The following ATE1 variants were observed in gnomAD, a reference collection of about 807,000 sequenced individuals.
ATE1 encodes arginyl-tRNA--protein transferase 1.
ATE1 carries 36 observed loss-of-function variants against 70.5 expected under a neutral mutation model. That is an observed-to-expected ratio of 0.51 (90% CI 0.39 to 0.67). The LOEUF (loss-of-function observed/expected upper bound fraction) is 0.67. Ranked by LOEUF, ATE1 falls within the 30% of genes least tolerant of loss-of-function variation. The pLI is 0.00. For synonymous variants in ATE1, 232 were observed against 219.3 expected (o/e 1.06, Z -0.51); for missense variants, 593 against 629.5 (o/e 0.94, Z 0.62).
intron 11 of ATE1, among the ~76,000 whole-genome samples, chr10:121,765,044 T>C (rs905784788): frequency 8.5e-5 from 13 of 152,130 alleles, no homozygotes; most frequent in Admixed American, 1.3e-4. Flanking sequence ...TCAGACTTCA[T>C]TGAAAGAGAG....
intron 11 of ATE1, among the ~76,000 whole-genome samples, chr10:121,771,881 T>C (rs1329070645): frequency 1.1e-4 from 16 of 152,242 alleles, no homozygotes; most frequent in Non-Finnish European, 2.2e-4. Context: ...AAAATGCAGT[T>C]TCACATCTCA....
At chr10:121,839,617 A>G (rs1341409155) in intron 9 of ATE1, among the ~76,000 whole-genome samples, 1 of 152,238 alleles carries the variant, frequency 6.6e-6, no homozygotes, top group Non-Finnish European at 1.5e-5. Context: ...ACCAACAGCC[A>G]TAAATATTTT....
intron 10 of ATE1, among the ~76,000 whole-genome samples, chr10:121,794,449 T>A (rs554580746): frequency 1.3e-5 from 2 of 151,612 alleles, no homozygotes; most frequent in South Asian, 2.1e-4. Context: ...TACAAAAAAA[T>A]TTTTTAATTA....
Position 121,743,563 on chromosome 10 carries a change from A to T in ATE1, c.*117T>A. The T allele has an allele frequency of 7.2e-7, 1 of 1,382,324 alleles. No individual in the cohort carries two copies. The highest frequency in any genetic ancestry group is 3.4e-5 in the Admixed American group (1 of 29,850). The allele number at this position is 1,382,324 out of a possible 1,614,324, so 85.6% of individuals were successfully genotyped here. A position where few individuals can be genotyped will look rare whatever the true frequency, so the allele number is the denominator to read the frequency against. On this transcript the variant is annotated 3_prime_UTR_variant, in exon 12 of 12. Coordinates refer to ENST00000224652, the MANE Select transcript of ATE1 (RefSeq NM_001001976.3). ...TATTTTTTAAAAGCCATAGATAGTC[A>T]AAATAAAAAATGTCTAATTTGTGGG...
intron 10 of ATE1, among the ~76,000 whole-genome samples, chr10:121,797,582 G>C (rs1946708672): frequency 2.0e-5 from 1 of 51,046 alleles, no homozygotes; most frequent in African/African-American, 5.3e-5. Flanking sequence ...TCCTATTTGA[G>C]TGGGAGTAAA....
At chr10:121,853,629 T>C (rs1949139686) in intron 8 of ATE1, among the ~76,000 whole-genome samples, 1 of 152,132 alleles carries the variant, frequency 6.6e-6, no homozygotes, top group South Asian at 2.1e-4. Flanking sequence ...GTGTAATTAT[T>C]AAATAGAACA....
chr10:121,790,298 A>C lies in ATE1; in HGVS notation c.1258-9T>G. ...GAAGGTCTATACTGACCCTGAAGAA[A>C]AGTGAAGGAAAAAGGCACAGGCATT... On this transcript the variant is annotated splice_polypyrimidine_tract_variant and intron_variant, in intron 10 of 11. Coordinates refer to ENST00000224652, the MANE Select transcript of ATE1 (RefSeq NM_001001976.3). The C allele has an allele frequency of 6.2e-7, 1 of 1,612,564 alleles. No individual in the cohort carries two copies. The highest frequency in any genetic ancestry group is 8.5e-7 in the Non-Finnish European group (1 of 1,179,432).
At chr10:121,876,883 G>A (rs1048531835) in intron 7 of ATE1, among the ~76,000 whole-genome samples, 10 of 151,542 alleles carry the variant, frequency 6.6e-5, no homozygotes, top group Non-Finnish European at 1.2e-4. Flanking sequence ...GGAGAATGGC[G>A]GGAACCCGGG....
chr10:121,745,210 T>C (rs1410516481), intron 11 of ATE1, among the ~76,000 whole-genome samples: 1 of 152,236 alleles, frequency 6.6e-6, no homozygotes, highest in African/African-American at 2.4e-5. Context: ...AATGTTACAG[T>C]ATCTACTAAA....
At chr10:121,926,043 C>T (rs1254808413) in intron 1 of ATE1, among the ~76,000 whole-genome samples, 1 of 151,878 alleles carries the variant, frequency 6.6e-6, no homozygotes, top group Non-Finnish European at 1.5e-5. Context: ...CCCGTCTCTA[C>T]TAAAAATACA....
intron 3 of ATE1, among the ~76,000 whole-genome samples, chr10:121,920,456 T>C (rs530991632): frequency 6.6e-6 from 1 of 150,942 alleles, no homozygotes; most frequent in South Asian, 2.1e-4. Context: ...TACTTGAGCC[T>C]GGCAGGCAGG....
chr10:121,928,186 A>T (rs1952184066), upstream of ATE1: 4 of 1,292,182 alleles, frequency 3.1e-6, no homozygotes, highest in Non-Finnish European at 3.9e-6. Context: ...CGCCGTCGTC[A>T]GTGAGGGTGA....
At chr10:121,783,885 T>G (rs2132905) in intron 11 of ATE1, among the ~76,000 whole-genome samples, 1 of 150,760 alleles carries the variant, frequency 6.6e-6, no homozygotes, top group Non-Finnish European at 1.5e-5. Flanking sequence ...TGGGGGAAAA[T>G]TTTTTTTTTT....
chr10:121,784,148 G>A (rs1050430443), intron 11 of ATE1, among the ~76,000 whole-genome samples: 2 of 152,360 alleles, frequency 1.3e-5, no homozygotes, highest in Non-Finnish European at 2.9e-5. Context: ...TCTTAAGTCT[G>A]CTTTTCAAAC....
At chr10:121,917,606 G>C (rs1350688478) in intron 3 of ATE1, among the ~76,000 whole-genome samples, 1 of 152,020 alleles carries the variant, frequency 6.6e-6, no homozygotes, top group African/African-American at 2.4e-5. Context: ...CTTCCACAGA[G>C]AGAAGCCCGG....
At chr10:121,804,157 C>T (rs1335635815) in intron 10 of ATE1, among the ~76,000 whole-genome samples, 2 of 152,168 alleles carry the variant, frequency 1.3e-5, no homozygotes, top group African/African-American at 2.4e-5. Context: ...CCATTTTTAA[C>T]TTAAACATAG....
chr10:121,904,837 G>A (rs996457729), intron 5 of ATE1, among the ~76,000 whole-genome samples: 1 of 152,074 alleles, frequency 6.6e-6, no homozygotes, highest in African/African-American at 2.4e-5. Flanking sequence ...AAAATAGTGA[G>A]TTCACAAACA....
intron 6 of ATE1, among the ~76,000 whole-genome samples, chr10:121,901,037 C>A (rs1406043766): frequency 6.6e-6 from 1 of 152,036 alleles, no homozygotes; most frequent in Non-Finnish European, 1.5e-5. Context: ...GAGGCCGAGG[C>A]GGGTGATCAC....
intron 8 of ATE1, among the ~76,000 whole-genome samples, chr10:121,858,900 A>C (rs1204211802): frequency 1.3e-5 from 2 of 151,860 alleles, no homozygotes; most frequent in Non-Finnish European, 2.9e-5. Flanking sequence ...GTTCGAGACC[A>C]GCCTGACCAA....
Sources: gnomAD v4.1 joint callset for allele counts (sites outside exome capture counted in the v4.1 genomes callset) on GRCh38, gnomAD v4.1.1 for gene constraint, MANE v1.5 for transcripts, NCBI Gene and HGNC (gene_info 2026-07-23, HGNC 2026-07-21) for gene names.